The following RFX3 variants were observed in gnomAD, a reference collection of about 807,000 sequenced individuals.
RFX3 encodes the protein regulatory factor X3.
A neutral mutation model predicts 98.6 loss-of-function variants in RFX3; 14 were observed. The observed-to-expected ratio is 0.14, with a 90% CI of 0.09 to 0.22. The LOEUF is 0.22. RFX3 is among the 10% of genes least tolerant of loss of function. The pLI is 1.00. For synonymous variants in RFX3, 383 were observed against 328.4 expected (o/e 1.17, Z -1.80); for missense variants, 639 against 926.9 (o/e 0.69, Z 4.03).
In RFX3 at chr9:3,224,861, T is replaced by G; in HGVS notation, c.*181A>C. On this transcript the variant is annotated 3_prime_UTR_variant, in exon 17 of 17. Coordinates refer to ENST00000617270, the MANE Select transcript of RFX3 (RefSeq NM_001282116.2). ...CATTATTAAGAAGCAAATAATTTGT[T>G]TACGTTAAAAAAAAAGATCTGGCAA... The G allele has an allele frequency of 1.9e-6, 1 of 522,162 alleles. No homozygotes were observed. Among genetic ancestry groups the G allele is most frequent in the Non-Finnish European group, 3.3e-6 (1 of 305,292 alleles). The allele number at this position is 522,162 out of a possible 1,614,324, so 32.3% of individuals were successfully genotyped here.
intron 1 of RFX3, among the ~76,000 whole-genome samples, chr9:3,473,514 A>G (rs1848962988): frequency 6.6e-6 from 1 of 152,244 alleles, no homozygotes; most frequent in Non-Finnish European, 1.5e-5. Flanking sequence ...TACATAGAAT[A>G]ATACACATGA....
At chr9:3,268,186 T>C (rs549799399) in intron 11 of RFX3, among the ~76,000 whole-genome samples, 1 of 151,970 alleles carries the variant, frequency 6.6e-6, no homozygotes, top group East Asian at 1.9e-4. Context: ...TAGAATATAG[T>C]AGCTTCAAGC....
chr9:3,308,251 C>G (rs920966840), intron 4 of RFX3, among the ~76,000 whole-genome samples: 16 of 152,058 alleles, frequency 1.1e-4, no homozygotes, highest in Admixed American at 2.6e-4. Context: ...TACTGCCTCA[C>G]AATCAGATAA....
intron 2 of RFX3, among the ~76,000 whole-genome samples, chr9:3,366,749 T>TCTTTCTTC (rs1563994620): frequency 6.7e-6 from 1 of 149,150 alleles, no homozygotes; most frequent in East Asian, 2.0e-4. Flanking sequence ...TTTCTTTCTT[T>TCTTTCTTC]CTTTTTGGCT....
chr9:3,490,528 G>A (rs1185091128), intron 1 of RFX3, among the ~76,000 whole-genome samples: 2 of 151,920 alleles, frequency 1.3e-5, no homozygotes, highest in Non-Finnish European at 2.9e-5. Context: ...AGATGTTTCT[G>A]ATTTAGCCAA....
chr9:3,279,934 A>T (rs954249931), intron 7 of RFX3, among the ~76,000 whole-genome samples: 2 of 151,850 alleles, frequency 1.3e-5, no homozygotes, highest in African/African-American at 2.4e-5. Context: ...CTTTTAGGGC[A>T]AAGAAGGAGG....
At chr9:3,415,950 AT>A (rs1842943526) in intron 1 of RFX3, among the ~76,000 whole-genome samples, 1 of 152,124 alleles carries the variant, frequency 6.6e-6, no homozygotes. Context: ...CTCTGAACCT[AT>A]TTGGTTTAAT....
intron 15 of RFX3, 44 bp downstream of exon 15, chr9:3,247,988 T>C (rs1173042970): frequency 6.2e-7 from 1 of 1,614,078 alleles, no homozygotes; most frequent in South Asian, 1.1e-5. Flanking sequence ...TTCTGGCTTA[T>C]TTTTAATAAC....
chr9:3,467,237 CA>C (rs1267031778), intron 1 of RFX3, among the ~76,000 whole-genome samples: 21 of 140,938 alleles, frequency 1.5e-4, no homozygotes, highest in African/African-American at 4.8e-4. Flanking sequence ...TATGTATATA[CA>C]ATATATATTA....
intron 1 of RFX3, among the ~76,000 whole-genome samples, chr9:3,411,721 C>T (rs916888958): frequency 6.6e-6 from 1 of 151,430 alleles, no homozygotes; most frequent in African/African-American, 2.4e-5. Flanking sequence ...GAACTCTGGA[C>T]CTAAAGTGAT....
chr9:3,510,372 G>A (rs1817554330), intron 1 of RFX3, among the ~76,000 whole-genome samples: 1 of 151,934 alleles, frequency 6.6e-6, no homozygotes, highest in African/African-American at 2.4e-5. Context: ...TCCTTTAAAT[G>A]TGAAGAGACA....
chr9:3,525,768 T>G lies in RFX3; in HGVS notation c.-30A>C. On this transcript the variant is annotated 5_prime_UTR_variant, in exon 1 of 17. Transcript: ENST00000617270. ...TCACCTTGGCTGTGGATTATTGTGGTGTTGTTGGTGGGTGATGGAGATGGT... is the reference window on the plus strand; with the variant it reads ...TCACCTTGGCTGTGGATTATTGTGGGGTTGTTGGTGGGTGATGGAGATGGT... 2 of 365,500 alleles carry G rather than the reference T, an allele frequency of 5.5e-6. No homozygotes were observed. The highest frequency in any genetic ancestry group is 7.6e-6 in the Non-Finnish European group (2 of 263,194). The allele number at this position is 365,500 out of a possible 1,614,324, so 22.6% of individuals were successfully genotyped here.
intron 1 of RFX3, among the ~76,000 whole-genome samples, chr9:3,402,100 T>C (rs1207401500): frequency 2.6e-5 from 4 of 152,322 alleles, no homozygotes; most frequent in Middle Eastern, 6.8e-3. Flanking sequence ...ACATGCCAGA[T>C]TAAATGGATT....
chr9:3,506,218 TAA>T (rs1395166341), intron 1 of RFX3, among the ~76,000 whole-genome samples: 1 of 148,160 alleles, frequency 6.7e-6, no homozygotes, highest in African/African-American at 2.5e-5. Flanking sequence ...TTTTTTTTTT[TAA>T]AAAAAAAGGT....
chr9:3,276,937 A>G (rs1463972345), intron 8 of RFX3, among the ~76,000 whole-genome samples: 1 of 152,064 alleles, frequency 6.6e-6, no homozygotes, highest in African/African-American at 2.4e-5. Flanking sequence ...TTACTTTAAA[A>G]AAGTTTATAA....
intron 7 of RFX3, among the ~76,000 whole-genome samples, chr9:3,281,531 G>C (rs1194413298): frequency 6.6e-6 from 1 of 151,678 alleles, no homozygotes; most frequent in African/African-American, 2.4e-5. Context: ...AGTGTGCTCT[G>C]AGAAAGACCT....
At chr9:3,406,612 G>A (rs932744664) in intron 1 of RFX3, among the ~76,000 whole-genome samples, 1 of 152,078 alleles carries the variant, frequency 6.6e-6, no homozygotes, top group African/African-American at 2.4e-5. Flanking sequence ...TCTTTGATTT[G>A]TTGAAAGAAC....
At chr9:3,332,087 A>C (rs1459418935) in intron 3 of RFX3, among the ~76,000 whole-genome samples, 2 of 152,188 alleles carry the variant, frequency 1.3e-5, no homozygotes, top group African/African-American at 4.8e-5. Flanking sequence ...GAGTCCTGTC[A>C]ATGTTATCTT....
intron 1 of RFX3, among the ~76,000 whole-genome samples, chr9:3,411,225 C>A (rs1587564805): frequency 1.3e-5 from 2 of 152,202 alleles, no homozygotes; most frequent in South Asian, 4.1e-4. Flanking sequence ...GTTTACTCAA[C>A]AATGAATACA....
Sources: allele counts gnomAD v4.1 joint callset (sites outside exome capture counted in the v4.1 genomes callset), GRCh38; gene constraint gnomAD v4.1.1; transcripts MANE v1.5; gene names NCBI Gene and HGNC (gene_info 2026-07-23, HGNC 2026-07-21).